Variants in GGCX observed in about 807,000 individuals in gnomAD.
The protein encoded by GGCX is gamma-glutamyl carboxylase, also known as vitamin K-dependent gamma-carboxylase.
In GGCX, 63 loss-of-function variants were observed where a neutral mutation model predicts 88.5. The ratio of observed to expected loss-of-function variants is 0.71; its 90% CI spans 0.58 to 0.88. GGCX has a LOEUF of 0.88. Ranked by LOEUF, GGCX falls within the 40% of genes least tolerant of loss-of-function variation. GGCX has a pLI of 0.00. For synonymous variants in GGCX, 368 were observed against 365.8 expected, an observed-to-expected ratio of 1.01 and a Z score of -0.07; for missense variants, 805 against 932.9, an observed-to-expected ratio of 0.86 and a Z score of 1.79.
In GGCX at chr2:85,547,240, A is replaced by T. The variant is rs1691713980; in HGVS notation, c.*2694T>A. 1 of 152,196 alleles carries T rather than the reference A, an allele frequency of 6.6e-6. No homozygotes were observed. The highest frequency in any genetic ancestry group is 1.5e-5 in the Non-Finnish European group (1 of 68,026). 9.4% of individuals were successfully genotyped at this position (152,196 alleles called of 1,614,324 possible). The stretch of plus-strand genomic sequence containing the variant: ...ATATAACCTGCCTTTCTAAAGTTTC[A>T]AAGGGGATGGATACCCATCAGGGGC... On this transcript the variant is annotated 3_prime_UTR_variant, in exon 15 of 15. Transcript: ENST00000233838.
In GGCX at chr2:85,552,970, C is replaced by A. The variant is rs770896415; in HGVS notation, c.1256G>T (p.Arg419Leu). The A allele has an allele frequency of 6.8e-6, 11 of 1,614,096 alleles. No homozygotes were observed. In the South Asian group the frequency reaches 1.2e-4, roughly 18 times the overall value. Reference protein sequence around the residue: ...QHVKITYRDGRTGELGYLNPG... With the variant: ...QHVKITYRDGLTGELGYLNPG... ...GTTAAGGTAGCCCAGTTCGCCAGTG[C>A]GGCCATCACGGTAGGTGATCTTCAC... Residue 419 changes from arginine (R) to leucine (L), a missense_variant, in exon 9 of 15, where the codon CGC becomes CTC. Coordinates refer to ENST00000233838, the MANE Select transcript of GGCX (RefSeq NM_000821.7).
chr2:85,559,806 C>T (rs1003559969), intron 2 of GGCX, among the ~76,000 whole-genome samples: 2 of 152,130 alleles, frequency 1.3e-5, no homozygotes, highest in Non-Finnish European at 2.9e-5. Context: ...AGTTGCATTT[C>T]GTCAACACCC....
At chr2:85,554,529 G>A in intron 6 of GGCX, 1 of 587,522 alleles carries the variant, frequency 1.7e-6, no homozygotes, top group Middle Eastern at 4.7e-4. Flanking sequence ...GCAATGGCAT[G>A]ATCATGGTGC....
chr2:85,551,901 A>G lies in GGCX; in HGVS notation c.1520T>C (p.Met507Thr), dbSNP rs1397756230. 1 of 1,613,514 alleles carries G rather than the reference A, an allele frequency of 6.2e-7. No homozygotes were observed. The highest frequency in any genetic ancestry group is 8.5e-7 in the Non-Finnish European group (1 of 1,179,520). Reference protein sequence around the residue: ...QRTSWVQPLLMDLSPWRAKLQ... With the variant: ...QRTSWVQPLLTDLSPWRAKLQ... ...CTTGGCCCTCCAGGGAGACAGGTCC[A>G]TCAAGAGTGGTTGCACCCAGGATGT... Residue 507 changes from methionine to threonine, a missense_variant, in exon 11 of 15, where the codon ATG (methionine) becomes ACG (threonine). By Grantham distance (81) the Met-to-Thr change is moderately conservative. Transcript: ENST00000233838.
In GGCX at chr2:85,551,546, C is replaced by G; in HGVS notation, c.1674G>C (p.Gly558=). 2 of 1,613,906 alleles carry G rather than the reference C, an allele frequency of 1.2e-6. No homozygotes were observed. Among genetic ancestry groups the G allele is most frequent in the Non-Finnish European group, 8.5e-7 (1 of 1,179,798 alleles). The change falls in exon 12 of 15, where the codon GGG becomes GGC. Residue 558 remains glycine, a synonymous_variant. Transcript: ENST00000233838. ...CTGCCACAAGCTCCACAGTCACTTC[C>G]CCCTGCAGCAGCTGGATGCTAGTGT... ...LGNTSIQLLQ[G]EVTVELVAEQ...
chr2:85,558,773 A>T, intron 3 of GGCX, 144 bp downstream of exon 3: 1 of 880,864 alleles, frequency 1.1e-6, no homozygotes, highest in African/African-American at 1.7e-5. Context: ...ATGGGATCAC[A>T]GCTTAAGTGA....
intron 9 of GGCX, 104 bp downstream of exon 9, chr2:85,552,835 A>G: frequency 1.5e-6 from 2 of 1,293,456 alleles, no homozygotes; most frequent in Non-Finnish European, 2.3e-6. Flanking sequence ...AAGGCAAAGC[A>G]GACTCAAATT....
At position 85,554,202 on chromosome 2, in the gene GGCX, G is replaced by C. The variant is rs189625169; in HGVS notation, c.830C>G (p.Ser277Cys). The change falls in exon 7 of 15, where the codon TCC becomes TGC. Residue 277 changes from serine (S) to cysteine (C), a missense_variant. Physicochemically the swap from Ser to Cys is moderately radical, Grantham distance 112. Coordinates refer to ENST00000233838, the MANE Select transcript of GGCX (RefSeq NM_000821.7). ...GFLLFFDVSR[S>C]IGLFFVSYFH... ...GTAGGACACAAAGAACAGGCCAATG[G>C]ATCTTGAGACATCAAAAAAGAGCAG... is the stretch of plus-strand genomic sequence containing the variant. 4.7e-5 allele frequency: 76 copies of C among 1,612,796 alleles called. No individual in the cohort carries two copies. In the East Asian group the frequency reaches 1.5e-3, roughly 32 times the overall value.
chr2:85,551,082 G>C lies in GGCX; in HGVS notation c.1741-10C>G. 1 of 1,612,966 alleles carries C rather than the reference G, an allele frequency of 6.2e-7. No individual in the cohort carries two copies. The highest frequency in any genetic ancestry group is 1.3e-5 in the African/African-American group (1 of 75,020). On this transcript the variant is annotated splice_polypyrimidine_tract_variant and intron_variant, in intron 12 of 14. Transcript: ENST00000233838. ...ACTCACCAGCAGGCAACTGACAAGG[G>C]AGAAGAAATGGATAAATTTCATCAG...
Position 85,556,257 on chromosome 2 carries a change from A to C in GGCX, c.543T>G (p.Ser181=). Residue 181 remains serine, a synonymous_variant, in exon 5 of 15, where the codon TCT becomes TCG. Coordinates refer to ENST00000233838, the MANE Select transcript of GGCX (RefSeq NM_000821.7). ...TATGGGCATTCAGCAGACCGTCCAC[A>C]GACCTACACCGAGGGAGGTAAACAT... ...LTFMDANHYW[S]VDGLLNAHRR... The C allele has an allele frequency of 6.2e-7, 1 of 1,605,538 alleles. No individual in the cohort carries two copies. The highest frequency in any genetic ancestry group is 8.5e-7 in the Non-Finnish European group (1 of 1,172,582).
At chr2:85,558,669 C>G (rs1043297257) in intron 3 of GGCX, 64 bp from the exon 4 acceptor site, 3 of 1,295,190 alleles carry the variant, frequency 2.3e-6, no homozygotes, top group Non-Finnish European at 3.4e-6. Context: ...TTCCCTGGAC[C>G]AGGATATGGT....
At chr2:85,551,123 CT>C in intron 12 of GGCX, 51 bp from the exon 13 acceptor site, 1 of 1,534,478 alleles carries the variant, frequency 6.5e-7, no homozygotes, top group South Asian at 1.1e-5. Context: ...CTCTAGCCAG[CT>C]TATGGCCTCC....
Position 85,556,273 on chromosome 2 carries a change from A to G in GGCX, c.540-13T>C, listed in dbSNP as rs750894318. 1.3e-6 allele frequency: 2 copies of G among 1,567,716 alleles called. No individual in the cohort carries two copies. Among genetic ancestry groups the G allele is most frequent in the Admixed American group, 1.7e-5 (1 of 59,958 alleles). ...ACCGTCCACAGACCTACACCGAGGGAGGTAAACATTGAGGGGGGAGCTGCT... is the reference window on the plus strand; with the variant it reads ...ACCGTCCACAGACCTACACCGAGGGGGGTAAACATTGAGGGGGGAGCTGCT... On this transcript the variant is annotated splice_polypyrimidine_tract_variant and intron_variant, in intron 4 of 14. Coordinates refer to ENST00000233838, the MANE Select transcript of GGCX (RefSeq NM_000821.7).
At chr2:85,550,221 C>T in intron 14 of GGCX, 95 bp from the exon 15 acceptor site, 1 of 862,286 alleles carries the variant, frequency 1.2e-6, no homozygotes, top group East Asian at 2.5e-5. Flanking sequence ...CCTCACTCCT[C>T]CCACACAGGC....
chr2:85,551,216 C>A, intron 12 of GGCX, 144 bp from the exon 13 acceptor site: 1 of 859,506 alleles, frequency 1.2e-6, no homozygotes, highest in Non-Finnish European at 1.9e-6. Context: ...CTGGATGAGG[C>A]TCTTCACAGT....
At chr2:85,554,473 T>TTGTTGTTGTTGC (rs1692118463) in intron 6 of GGCX, 167 bp from the exon 7 acceptor site, 1 of 676,346 alleles carries the variant, frequency 1.5e-6, no homozygotes, top group Non-Finnish European at 2.7e-6. Context: ...GTTGTTGTTG[T>TTGTTGTTGTTGC]TGTTGTTGTT....
At chr2:85,555,880 C>T (rs1692184355) in intron 5 of GGCX, among the ~76,000 whole-genome samples, 1 of 152,182 alleles carries the variant, frequency 6.6e-6, no homozygotes, top group African/African-American at 2.4e-5. Context: ...GACATCCAAC[C>T]AATGTCAGCG....
Position 85,553,048 on chromosome 2 carries a change from C to A in GGCX, c.1178G>T (p.Gly393Val), listed in dbSNP as rs776500726. 1 of 1,614,170 alleles carries A rather than the reference C, an allele frequency of 6.2e-7. No individual in the cohort carries two copies. Among genetic ancestry groups the A allele is most frequent in the South Asian group, 1.1e-5 (1 of 91,082 alleles). The change falls in exon 9 of 15, where the codon GGG becomes GTG. Residue 393 changes from glycine (G) to valine (V), a missense_variant. Physicochemically the swap from Gly to Val is moderately radical, Grantham distance 109. Transcript: ENST00000233838. ...CATGTCCCAGGAATAGCCATACAGCCCATTTGTCCAGTTGTTATAGCCCTG... is the reference window on the plus strand; with the variant it reads ...CATGTCCCAGGAATAGCCATACAGCACATTTGTCCAGTTGTTATAGCCCTG... ...LTQGYNNWTN[G>V]LYGYSWDMMV...
rs1401581946 is a variant in GGCX at position 85,547,461 on chromosome 2, A to G, written c.*2473T>C. 6.6e-6 allele frequency: 1 copy of G among 152,140 alleles called. No homozygotes were observed. The highest frequency in any genetic ancestry group is 1.5e-5 in the Non-Finnish European group (1 of 68,018). 9.4% of individuals were successfully genotyped at this position (152,140 alleles called of 1,614,324 possible). On this transcript the variant is annotated 3_prime_UTR_variant, in exon 15 of 15. Coordinates refer to ENST00000233838, the MANE Select transcript of GGCX (RefSeq NM_000821.7). Reference sequence around the variant, plus strand: ...CTACCCCAATATCTTCCTTGGGAAAATTGGTCAGAGAGGTGGTATACTAAC... The same window carrying G: ...CTACCCCAATATCTTCCTTGGGAAAGTTGGTCAGAGAGGTGGTATACTAAC...
Sources: gnomAD v4.1 joint callset for allele counts (sites outside exome capture counted in the v4.1 genomes callset) on GRCh38, gnomAD v4.1.1 for gene constraint, MANE v1.5 for transcripts, NCBI Gene and HGNC (gene_info 2026-07-23, HGNC 2026-07-21) for gene names.